Variants in NPAS2 observed in about 807,000 individuals in gnomAD.
The protein encoded by NPAS2 is neuronal PAS domain protein 2.
In NPAS2, 23 loss-of-function variants were observed where a neutral mutation model predicts 107.5. That is an observed-to-expected ratio of 0.21 (90% CI 0.15 to 0.30). The LOEUF (loss-of-function observed/expected upper bound fraction) is 0.30. Among genes scored for constraint, NPAS2 ranks in the 10% least tolerant of loss-of-function variants. NPAS2 has a pLI of 1.00. For synonymous variants in NPAS2, 403 were observed against 417.5 expected (o/e 0.97, Z 0.42); for missense variants, 756 against 1,043.3 (o/e 0.72, Z 3.79).
chr2:100,913,340 G>C (rs180978471), intron 2 of NPAS2, among the ~76,000 whole-genome samples: 2 of 152,246 alleles, frequency 1.3e-5, no homozygotes, highest in East Asian at 3.9e-4. Context: ...TAATTTATGA[G>C]CTTTCACTCC....
At chr2:100,963,532 G>A (rs1244457648) in intron 7 of NPAS2, among the ~76,000 whole-genome samples, 1 of 152,070 alleles carries the variant, frequency 6.6e-6, no homozygotes, top group Non-Finnish European at 1.5e-5. Context: ...CCAAGCAGTT[G>A]GGATTACAGG....
At chr2:100,984,386 G>C (rs1286851608) in intron 16 of NPAS2, 1 of 152,166 alleles carries the variant, frequency 6.6e-6, no homozygotes, top group Non-Finnish European at 1.5e-5. Flanking sequence ...CAAAAGTAGA[G>C]GGATAGATAA....
chr2:100,977,713 C>T lies in NPAS2; in HGVS notation c.1396C>T (p.Pro466Ser). 2 of 1,614,090 alleles carry T rather than the reference C, an allele frequency of 1.2e-6. No homozygotes were observed. Among genetic ancestry groups the T allele is most frequent in the Middle Eastern group, 1.6e-4 (1 of 6,062 alleles). ...AAAGCCCCTTTCTCTCCCACAGGCCCCTCTGCCTTCCCCATCGTCCTGCGA... is the reference window on the plus strand; with the variant it reads ...AAAGCCCCTTTCTCTCCCACAGGCCTCTCTGCCTTCCCCATCGTCCTGCGA... ...GLSQAATMPAPLPSPSSCDLT... is the reference protein window; with the variant it reads ...GLSQAATMPASLPSPSSCDLT... The change falls in exon 15 of 21, where the codon CCT becomes TCT. Residue 466 changes from proline to serine, a missense_variant. Pro to Ser is a moderately conservative substitution (Grantham distance 74). Transcript: ENST00000335681.
intron 5 of NPAS2, among the ~76,000 whole-genome samples, chr2:100,942,918 T>C (rs931243683): frequency 6.6e-6 from 1 of 152,232 alleles, no homozygotes; most frequent in Non-Finnish European, 1.5e-5. Context: ...ATGTAGCTGC[T>C]GTGGGCTCTT....
chr2:100,913,464 C>T (rs1682676604), intron 2 of NPAS2, among the ~76,000 whole-genome samples: 1 of 152,074 alleles, frequency 6.6e-6, no homozygotes, highest in Non-Finnish European at 1.5e-5. Flanking sequence ...AAGATGGCAC[C>T]CTTGGGAAGA....
intron 5 of NPAS2, among the ~76,000 whole-genome samples, chr2:100,943,554 T>C (rs951514721): frequency 6.6e-6 from 1 of 152,180 alleles, no homozygotes; most frequent in Non-Finnish European, 1.5e-5. Context: ...TAGTCACAGA[T>C]ACTCACAGCC....
At chr2:100,950,728 C>G (rs1218032666) in intron 7 of NPAS2, among the ~76,000 whole-genome samples, 2 of 152,136 alleles carry the variant, frequency 1.3e-5, no homozygotes, top group African/African-American at 4.8e-5. Context: ...GACTGGGAGG[C>G]CTTTCTGGGA....
chr2:100,934,525 A>C (rs3768984), intron 4 of NPAS2, among the ~76,000 whole-genome samples: 33,789 of 152,120 alleles, frequency 0.22, 4,093 homozygotes, highest in East Asian at 0.33. Context: ...GGTGGAAAGG[A>C]AATCATGCTA....
rs563852160 is a variant in NPAS2 at position 100,947,371 on chromosome 2, T to C, written c.364-864T>C. On this transcript the variant is annotated intron_variant, in intron 5 of 20. Coordinates refer to ENST00000335681, the MANE Select transcript of NPAS2 (RefSeq NM_002518.4). ...TTCAAGACCAGCCTGGCCAACACGG[T>C]GAAACCCGTCTCTACTAAAAATACA... is the stretch of plus-strand genomic sequence containing the variant. 6.0e-4 allele frequency among the ~76,000 whole-genome samples: 92 copies of C among 152,114 alleles called. 1 individual carries two copies. The highest frequency in any genetic ancestry group is 2.1e-3 in the African/African-American group (87 of 41,494).
rs191470343 is a variant in NPAS2 at position 100,863,063 on chromosome 2, A to G, written c.-22-41670A>G. On this transcript the variant is annotated intron_variant, in intron 1 of 20. Coordinates refer to ENST00000335681, the MANE Select transcript of NPAS2 (RefSeq NM_002518.4). ...TTAGCCCGTGCACAGCAGTGCCACCATGGCAGTCACCTATCCTCTTGGTTA... is the reference window on the plus strand; with the variant it reads ...TTAGCCCGTGCACAGCAGTGCCACCGTGGCAGTCACCTATCCTCTTGGTTA... 2.2e-3 allele frequency among the ~76,000 whole-genome samples: 342 copies of G among 152,348 alleles called. 3 individuals are homozygous for G. The highest frequency in any genetic ancestry group is 7.3e-3 in the African/African-American group (304 of 41,586).
At position 100,975,551 on chromosome 2, in the gene NPAS2, A is replaced by G; in HGVS notation, c.1376A>G (p.Gln459Arg). The G allele has an allele frequency of 6.2e-7, 1 of 1,611,634 alleles. No individual in the cohort carries two copies. Among genetic ancestry groups the G allele is most frequent in the Non-Finnish European group, 8.5e-7 (1 of 1,178,734 alleles). Residue 459 changes from glutamine to arginine, a missense_variant, in exon 14 of 21, where the codon CAG becomes CGG. Gln to Arg is a conservative substitution (Grantham distance 43). This residue lies in a region of NPAS2 where 496 missense variants were observed against 594.4 expected (regional missense o/e 0.83). Transcript: ENST00000335681. ...GAGTTACCTGTCCCCGGGCTCAGCC[A>G]GGCAGCCACCATGCCGGTAAGTGTG... ...PQELPVPGLS[Q>R]AATMPAPLPS... is the part of the protein sequence containing the mutation.
chr2:100,992,307 C>T (rs1051922474), intron 19 of NPAS2, among the ~76,000 whole-genome samples: 2 of 152,176 alleles, frequency 1.3e-5, no homozygotes, highest in Non-Finnish European at 2.9e-5. Flanking sequence ...CCCAGCTACT[C>T]AGGAGGCTGA....
At position 100,964,885 on chromosome 2, in the gene NPAS2, T is replaced by G. The variant is rs1296245595; in HGVS notation, c.742T>G (p.Leu248Val). 1 of 1,577,052 alleles carries G rather than the reference T, an allele frequency of 6.3e-7. No homozygotes were observed. Among genetic ancestry groups the G allele is most frequent in the South Asian group, 1.2e-5 (1 of 83,636 alleles). The change falls in exon 9 of 21, where the codon TTA (leucine) becomes GTA (valine). Residue 248 changes from leucine (L) to valine (V), a missense_variant. Leu to Val is a conservative substitution (Grantham distance 32, BLOSUM62 1). This residue lies in a region of NPAS2 where 84 missense variants were observed against 175.5 expected (regional missense o/e 0.48). Transcript: ENST00000335681. ...LKEMCIVDEP[L>V]EEFTSRHSLE... ...GGAAATGTGCATAGTTGACGAACCT[T>G]TAGAGGAATTCACTTCAAGGCATAG...
intron 12 of NPAS2, among the ~76,000 whole-genome samples, chr2:100,973,204 T>C (rs981535983): frequency 2.0e-5 from 3 of 151,752 alleles, no homozygotes; most frequent in Admixed American, 1.3e-4. Flanking sequence ...ACAAACACAA[T>C]CTTGGGCACT....
At position 100,831,986 on chromosome 2, in the gene NPAS2, A is replaced by AG. The variant is rs1676769916; in HGVS notation, c.-23+11572_-23+11573insG. Among the ~76,000 whole-genome samples, 4 of 152,074 alleles carry AG rather than the reference A, an allele frequency of 2.6e-5. No individual in the cohort carries two copies. The South Asian group carries it at 8.3e-4, about 32-fold the overall frequency. ...GCTGATTCTCAGCTGCCAGGGCCCC[A>AG]AGTCCTTAACTTGCTCTCCAGTTAT... On this transcript the variant is annotated intron_variant, in intron 1 of 20. Transcript: ENST00000335681.
intron 1 of NPAS2, among the ~76,000 whole-genome samples, chr2:100,849,011 C>T (rs535079082): frequency 2.0e-4 from 30 of 152,230 alleles, no homozygotes; most frequent in Admixed American, 5.9e-4. Context: ...GTTTTCTGTG[C>T]ATTCATCTCA....
intron 4 of NPAS2, among the ~76,000 whole-genome samples, chr2:100,936,930 C>T (rs897204258): frequency 3.5e-5 from 5 of 142,138 alleles, no homozygotes; most frequent in East Asian, 2.1e-4. Context: ...GGCAGTGAGC[C>T]GAGATCATGC....
chr2:100,974,678 C>A (rs1676845245), intron 12 of NPAS2, 125 bp from the exon 13 acceptor site: 3 of 1,074,252 alleles, frequency 2.8e-6, no homozygotes, highest in Admixed American at 5.1e-5. Flanking sequence ...GGAATCGTCC[C>A]CAAACAACTA....
At chr2:100,899,658 G>A (rs1451426267) in intron 1 of NPAS2, among the ~76,000 whole-genome samples, 2 of 152,124 alleles carry the variant, frequency 1.3e-5, no homozygotes, top group Non-Finnish European at 2.9e-5. Context: ...TAAATCTAAA[G>A]TTGTTCTTAA....
Sources: gnomAD v4.1 joint callset for allele counts (sites outside exome capture counted in the v4.1 genomes callset) on GRCh38, gnomAD v4.1.1 for gene constraint, gnomAD v4.1.1 regional missense constraint, MANE v1.5 for transcripts, NCBI Gene and HGNC (gene_info 2026-07-23, HGNC 2026-07-21) for gene names.